The following RELN variants were observed in gnomAD, a reference collection of about 807,000 sequenced individuals.
RELN encodes the protein reelin.
A neutral mutation model predicts 427.6 loss-of-function variants in RELN; 108 were observed. The ratio of observed to expected loss-of-function variants is 0.25; its 90% CI spans 0.22 to 0.30. The LOEUF is 0.30. RELN is among the 10% of genes least tolerant of loss of function. The probability of loss-of-function intolerance (pLI) is 1.00; values close to 1 mark genes in which losing one functional copy is unlikely to be tolerated. For missense variants in RELN, 3,715 were observed against 4,302.8 expected (o/e 0.86, Z 3.82); for synonymous variants, 1,524 against 1,513.4 (o/e 1.01, Z -0.16).
intron 10 of RELN, among the ~76,000 whole-genome samples, chr7:103,695,778 T>G (rs573059031): frequency 5.9e-5 from 9 of 152,242 alleles, no homozygotes; most frequent in African/African-American, 1.9e-4. Context: ...GAAATTCCTC[T>G]TTTAATCAAG....
chr7:103,840,515 T>C (rs567384633), intron 2 of RELN, among the ~76,000 whole-genome samples: 6 of 152,302 alleles, frequency 3.9e-5, no homozygotes, highest in South Asian at 2.1e-4. Context: ...GGGCTCCTCA[T>C]TGTAATCTAT....
intron 1 of RELN, among the ~76,000 whole-genome samples, chr7:103,977,303 T>G (rs1796898055): frequency 1.2e-5 from 1 of 80,664 alleles, no homozygotes; most frequent in African/African-American, 8.4e-5. Context: ...AGAGTGAGAC[T>G]CTGTCTCAAA....
chr7:103,547,381 C>T (rs1271001517), intron 41 of RELN, among the ~76,000 whole-genome samples: 3 of 152,192 alleles, frequency 2.0e-5, no homozygotes, highest in Non-Finnish European at 4.4e-5. Flanking sequence ...ACTGCAACCT[C>T]CACCTCCAGG....
intron 58 of RELN, among the ~76,000 whole-genome samples, 162 bp downstream of exon 58, chr7:103,491,791 T>C (rs1052289025): frequency 1.4e-5 from 2 of 148,130 alleles, no homozygotes; most frequent in African/African-American, 5.0e-5. Context: ...ATCCCACCAT[T>C]GCACTCCAGC....
chr7:103,952,283 T>A (rs1796348344), intron 1 of RELN, among the ~76,000 whole-genome samples: 1 of 152,210 alleles, frequency 6.6e-6, no homozygotes. Flanking sequence ...CACCCTTCAG[T>A]CTACCAAGTC....
At chr7:103,482,241 C>G (rs751886764) in intron 63 of RELN, 1 of 154,230 alleles carries the variant, frequency 6.5e-6, no homozygotes, top group Non-Finnish European at 1.4e-5. Context: ...CCGAACCCGT[C>G]GAGACATAAG....
chr7:103,732,959 CT>C (rs1790392538), intron 6 of RELN, among the ~76,000 whole-genome samples: 1 of 152,128 alleles, frequency 6.6e-6, no homozygotes, highest in African/African-American at 2.4e-5. Flanking sequence ...GTTGCCATTG[CT>C]TTTGGTGTTT....
intron 3 of RELN, among the ~76,000 whole-genome samples, chr7:103,789,528 G>C (rs1340731516): frequency 6.6e-6 from 1 of 152,084 alleles, no homozygotes; most frequent in Non-Finnish European, 1.5e-5. Context: ...TGAAGGATAT[G>C]AACAGACACT....
At chr7:103,672,309 G>A (rs562258972) in intron 11 of RELN, among the ~76,000 whole-genome samples, 1 of 152,220 alleles carries the variant, frequency 6.6e-6, no homozygotes, top group Non-Finnish European at 1.5e-5. Flanking sequence ...CTATGGGGCT[G>A]GGGGCCTATT....
intron 14 of RELN, among the ~76,000 whole-genome samples, chr7:103,652,251 C>CTTTTTTTTTTT (rs554972597): frequency 7.1e-6 from 1 of 139,952 alleles, no homozygotes. Context: ...TTTTCAGTTG[C>CTTTTTTTTTTT]TTTTTTTTTT....
intron 17 of RELN, among the ~76,000 whole-genome samples, chr7:103,638,053 T>C (rs1228073020): frequency 1.3e-5 from 2 of 148,586 alleles, no homozygotes; most frequent in Non-Finnish European, 3.0e-5. Flanking sequence ...AAAGATAAAG[T>C]AGTTTTTTAA....
chr7:103,704,874 G>A (rs1444181865), intron 8 of RELN, among the ~76,000 whole-genome samples: 1 of 152,022 alleles, frequency 6.6e-6, no homozygotes, highest in Non-Finnish European at 1.5e-5. Context: ...AACCACTCTT[G>A]GCTAGTTCCC....
chr7:103,587,075 A>T lies in RELN; in HGVS notation c.4145+2521T>A, dbSNP rs1417310589. Among the ~76,000 whole-genome samples the T allele has an allele frequency of 2.0e-5, 3 of 152,202 alleles. No homozygotes were observed. The East Asian group carries it at 5.8e-4, about 29-fold the overall frequency. ...ATCAAAAAGGAGTCTGAAGAGCCAAAGCAATCCTAAACAAAAAGGATGCAA... is the reference window on the plus strand; with the variant it reads ...ATCAAAAAGGAGTCTGAAGAGCCAATGCAATCCTAAACAAAAAGGATGCAA... On this transcript the variant is annotated intron_variant, in intron 28 of 64. Coordinates refer to ENST00000428762, the MANE Select transcript of RELN (RefSeq NM_005045.4).
At chr7:103,504,648 G>A (rs1350584586) in intron 51 of RELN, 1 of 152,430 alleles carries the variant, frequency 6.6e-6, no homozygotes, top group Non-Finnish European at 1.5e-5. Context: ...AGGGGTCGGG[G>A]GATTTCCCTT....
At chr7:103,521,252 T>C (rs1274360017) in intron 48 of RELN, among the ~76,000 whole-genome samples, 1 of 152,104 alleles carries the variant, frequency 6.6e-6, no homozygotes, top group Non-Finnish European at 1.5e-5. Context: ...GTGCTGGGAT[T>C]ACAGGCGTGA....
chr7:103,915,414 A>C (rs1795461892), intron 2 of RELN, among the ~76,000 whole-genome samples: 1 of 152,146 alleles, frequency 6.6e-6, no homozygotes, highest in Non-Finnish European at 1.5e-5. Context: ...CTGTCTTTCC[A>C]ATAGAATAGA....
At chr7:103,935,824 T>C in intron 1 of RELN, among the ~76,000 whole-genome samples, 1 of 152,180 alleles carries the variant, frequency 6.6e-6, no homozygotes, top group Non-Finnish European at 1.5e-5. Flanking sequence ...CCTGACCTTA[T>C]GGGGCATAAA....
At chr7:103,808,821 T>C (rs1792664349) in intron 3 of RELN, among the ~76,000 whole-genome samples, 1 of 152,106 alleles carries the variant, frequency 6.6e-6, no homozygotes, top group Admixed American at 6.6e-5. Context: ...TTTAATGTTA[T>C]GATGGAGGCA....
chr7:103,904,762 G>C (rs1795158896), intron 2 of RELN, among the ~76,000 whole-genome samples: 1 of 152,008 alleles, frequency 6.6e-6, no homozygotes, highest in African/African-American at 2.4e-5. Flanking sequence ...GTTAAAGCAA[G>C]GGATTGCATC....
Sources: gnomAD v4.1 joint callset for allele counts (sites outside exome capture counted in the v4.1 genomes callset) on GRCh38, gnomAD v4.1.1 for gene constraint, MANE v1.5 for transcripts, NCBI Gene and HGNC (gene_info 2026-07-23, HGNC 2026-07-21) for gene names.